RBKS: variants seen among roughly 807,000 people sequenced by gnomAD.
The protein encoded by RBKS is ribokinase.
Under a neutral mutation model 33.9 loss-of-function variants are expected in RBKS, and 33 were observed. That is an observed-to-expected ratio of 0.97 (90% CI 0.74 to 1.30). RBKS has a LOEUF of 1.30. RBKS is among the 50% of genes most tolerant of loss of function. RBKS has a pLI of 0.00. For synonymous variants in RBKS, 125 were observed against 143.0 expected (o/e 0.87, Z 0.90); for missense variants, 361 against 392.6 (o/e 0.92, Z 0.68).
chr2:27,887,197 A>G (rs1252465609), intron 1 of RBKS, among the ~76,000 whole-genome samples: 4 of 152,216 alleles, frequency 2.6e-5, no homozygotes, highest in Non-Finnish European at 1.5e-5. Context: ...ATGTAATGTG[A>G]GAAAGACCTG....
chr2:27,857,499 T>C (rs1663880828), intron 2 of RBKS, among the ~76,000 whole-genome samples: 1 of 152,192 alleles, frequency 6.6e-6, no homozygotes, highest in Non-Finnish European at 1.5e-5. Context: ...AAAAGCTCAG[T>C]TATATGTAGC....
chr2:27,884,776 C>T (rs1664494667), intron 1 of RBKS, among the ~76,000 whole-genome samples: 1 of 152,140 alleles, frequency 6.6e-6, no homozygotes, highest in Admixed American at 6.5e-5. Flanking sequence ...TTTTAGTTGA[C>T]ATCAGAGTCT....
At chr2:27,876,243 A>G (rs1216065698) in intron 1 of RBKS, among the ~76,000 whole-genome samples, 2 of 152,236 alleles carry the variant, frequency 1.3e-5, no homozygotes, top group Non-Finnish European at 2.9e-5. Flanking sequence ...CCAAATGTCC[A>G]CTGATAGATG....
intron 7 of RBKS, among the ~76,000 whole-genome samples, chr2:27,801,462 TATACACACACAC>T (rs1395348786): frequency 1.8e-4 from 15 of 83,074 alleles, no homozygotes; most frequent in East Asian, 1.5e-3. Flanking sequence ...AGGGCCACAG[TATACACACACAC>T]ACACACACAC....
At chr2:27,812,727 G>A (rs1218321285) in intron 7 of RBKS, among the ~76,000 whole-genome samples, 1 of 152,108 alleles carries the variant, frequency 6.6e-6, no homozygotes, top group East Asian at 1.9e-4. Flanking sequence ...GAAGCGGGGA[G>A]GGACAGCATT....
intron 1 of RBKS, 86 bp from the exon 2 acceptor site, chr2:27,858,657 G>C: frequency 8.4e-7 from 1 of 1,186,842 alleles, no homozygotes; most frequent in Non-Finnish European, 1.2e-6. Flanking sequence ...AGGCTATATG[G>C]TAGAGCTCTA....
At position 27,781,568 on chromosome 2, in the gene RBKS, C is replaced by G. The variant is rs367920117; in HGVS notation, c.*47G>C. 2.0e-6 allele frequency: 3 copies of G among 1,498,942 alleles called. No homozygotes were observed. In the African/African-American group the frequency reaches 4.2e-5, roughly 21 times the overall value. 92.9% of individuals were successfully genotyped at this position (1,498,942 alleles called of 1,614,324 possible). A position where few individuals can be genotyped will look rare whatever the true frequency, so the allele number is the denominator to read the frequency against. On this transcript the variant is annotated 3_prime_UTR_variant, in exon 8 of 8. Coordinates refer to ENST00000302188, the MANE Select transcript of RBKS (RefSeq NM_022128.3). ...AGCATTAGCCAGGAGCAGCCACCCC[C>G]AAGTACATTTTATTCCCAGGTATAT... is the stretch of plus-strand genomic sequence containing the variant.
intron 7 of RBKS, among the ~76,000 whole-genome samples, chr2:27,805,433 ACTG>A (rs1287127687): frequency 2.0e-5 from 3 of 152,174 alleles, no homozygotes; most frequent in Middle Eastern, 3.2e-3. Context: ...AGACCCTTGC[ACTG>A]CTGGTGTGTG....
chr2:27,875,187 G>A (rs1288900574), intron 1 of RBKS, among the ~76,000 whole-genome samples: 2 of 152,182 alleles, frequency 1.3e-5, no homozygotes, highest in Non-Finnish European at 2.9e-5. Context: ...CATACACTGT[G>A]AGTAGGAGTG....
At chr2:27,888,817 C>T (rs540444728) in intron 1 of RBKS, among the ~76,000 whole-genome samples, 42 of 152,226 alleles carry the variant, frequency 2.8e-4, no homozygotes, top group African/African-American at 8.9e-4. Flanking sequence ...TGACCACATA[C>T]GGCTTGCAAA....
At chr2:27,798,168 G>A (rs1472513740) in intron 7 of RBKS, among the ~76,000 whole-genome samples, 1 of 152,126 alleles carries the variant, frequency 6.6e-6, no homozygotes, top group Non-Finnish European at 1.5e-5. Flanking sequence ...TAGATAAACA[G>A]ACATGGAGCA....
rs200310841 is a variant in RBKS, at chr2:27,781,703, G to C, written c.881C>G (p.Ser294Cys). ...GACACTGACTGCTGCAATGAAATTG[G>C]ATCTGTTGAGCATGTCTTCCAAGGA... is the stretch of plus-strand genomic sequence containing the variant. ...NLSLEDMLNRSNFIAAVSVQA... is the reference protein window; with the variant it reads ...NLSLEDMLNRCNFIAAVSVQA... Residue 294 changes from serine to cysteine, a missense_variant, in exon 8 of 8, where the codon TCC (serine) becomes TGC (cysteine). By Grantham distance (112) the Ser-to-Cys change is moderately radical. Transcript: ENST00000302188. 98 of 1,613,994 alleles carry C rather than the reference G, an allele frequency of 6.1e-5. No individual in the cohort carries two copies. The highest frequency in any genetic ancestry group is 2.9e-5 in the Non-Finnish European group (34 of 1,179,998).
chr2:27,810,154 G>A lies in RBKS; in HGVS notation c.795+17413C>T. ...TGTGTATGTCTTGGCTGGTGCACCT[G>A]GTATATTTGTCTACACAACCCAAAT... On this transcript the variant is annotated intron_variant, in intron 7 of 7. Coordinates refer to ENST00000302188, the MANE Select transcript of RBKS (RefSeq NM_022128.3). This position sits in a 1 kb window ranked among gnomAD's most constrained non-coding sequence, Gnocchi z 4.4. The A allele has an allele frequency of 8.0e-7, 1 of 1,249,440 alleles. No homozygotes were observed. The highest frequency in any genetic ancestry group is 1.0e-6 in the Non-Finnish European group (1 of 960,558). The allele number at this position is 1,249,440 out of a possible 1,614,324, so 77.4% of individuals were successfully genotyped here.
chr2:27,813,927 A>G (rs146503887), intron 7 of RBKS, among the ~76,000 whole-genome samples: 2 of 152,332 alleles, frequency 1.3e-5, no homozygotes, highest in East Asian at 3.9e-4. Flanking sequence ...TATTATTAAT[A>G]GCTAAGTTCT....
At chr2:27,815,725 G>A (rs1270184253) in intron 7 of RBKS, among the ~76,000 whole-genome samples, 4 of 152,282 alleles carry the variant, frequency 2.6e-5, no homozygotes, top group South Asian at 2.1e-4. Flanking sequence ...GGGCTTAGAC[G>A]TAGGAAGCTA....
At chr2:27,803,862 C>T (rs1342359187) in intron 7 of RBKS, among the ~76,000 whole-genome samples, 2 of 152,084 alleles carry the variant, frequency 1.3e-5, no homozygotes, top group East Asian at 3.9e-4. Flanking sequence ...GCCTGACTGA[C>T]ATGGCAAAAC....
At chr2:27,861,183 G>T (rs1663974124) in intron 1 of RBKS, among the ~76,000 whole-genome samples, 1 of 152,050 alleles carries the variant, frequency 6.6e-6, no homozygotes, top group Admixed American at 6.5e-5. Flanking sequence ...GGCCAGGCTG[G>T]TCTCGAACTT....
chr2:27,800,858 C>T (rs1677764187), intron 7 of RBKS, among the ~76,000 whole-genome samples: 1 of 152,186 alleles, frequency 6.6e-6, no homozygotes, highest in South Asian at 2.1e-4. Context: ...AGAGTTCCAG[C>T]CATGGTCAAC....
intron 7 of RBKS, among the ~76,000 whole-genome samples, chr2:27,805,174 C>T (rs910070436): frequency 3.9e-5 from 6 of 152,116 alleles, no homozygotes; most frequent in South Asian, 2.1e-4. Context: ...AATACACTAA[C>T]GATAGCTGAT....
Sources: gnomAD v4.1 joint callset for allele counts (sites outside exome capture counted in the v4.1 genomes callset) on GRCh38, gnomAD v4.1.1 for gene constraint, Gnocchi (gnomAD v3.1) non-coding constraint, MANE v1.5 for transcripts, NCBI Gene and HGNC (gene_info 2026-07-23, HGNC 2026-07-21) for gene names.